The following MCC variants were observed in gnomAD, a reference collection of about 807,000 sequenced individuals.
The protein encoded by MCC is MCC regulator of Wnt signaling pathway.
A neutral mutation model predicts 116.2 loss-of-function variants in MCC; 90 were observed. The observed-to-expected ratio is 0.77, with a 90% CI of 0.65 to 0.92. The LOEUF (loss-of-function observed/expected upper bound fraction) is 0.92. Ranked by LOEUF, MCC falls within the 40% of genes least tolerant of loss-of-function variation. The probability of loss-of-function intolerance (pLI) is 0.00; values close to 1 mark genes in which losing one functional copy is unlikely to be tolerated. For synonymous variants in MCC, 578 were observed against 510.5 expected (o/e 1.13, Z -1.78); for missense variants, 1,516 against 1,312.2 (o/e 1.16, Z -2.40).
rs1306745424 is a variant in MCC, at chr5:113,027,341, C to A, written c.3021G>T (p.Glu1007Asp). The change falls in exon 19 of 19, where the codon GAG becomes GAT. Residue 1007 changes from glutamate to aspartate, a missense_variant. Physicochemically the swap from Glu to Asp is conservative, Grantham distance 45 (BLOSUM62 2). Coordinates refer to ENST00000408903, the MANE Select transcript of MCC (RefSeq NM_001085377.2). Reference sequence around the variant, plus strand: ...CATTGGTGTGTGGCCTGGAGTTCTCCTCCTCTAGCAGAGCTATTCTTTGCT... The same window carrying A: ...CATTGGTGTGTGGCCTGGAGTTCTCATCCTCTAGCAGAGCTATTCTTTGCT... ...MLKQRIALLE[E>D]ENSRPHTNET... 1.2e-6 allele frequency: 2 copies of A among 1,614,060 alleles called. No homozygotes were observed.
chr5:113,135,627 C>T (rs1210637708), intron 5 of MCC, among the ~76,000 whole-genome samples: 2 of 151,066 alleles, frequency 1.3e-5, no homozygotes, highest in African/African-American at 2.4e-5. Flanking sequence ...AATAGGATTG[C>T]TTTCTTGATT....
chr5:113,080,542 C>A lies in MCC; in HGVS notation c.1784+2318G>T, dbSNP rs183857864. On this transcript the variant is annotated intron_variant, in intron 11 of 18. Coordinates refer to ENST00000408903, the MANE Select transcript of MCC (RefSeq NM_001085377.2). ...GCTGGAAACCATCATTCTCAGCAAACTATCACAAGGACAGAAAACCAAACA... is the reference window on the plus strand; with the variant it reads ...GCTGGAAACCATCATTCTCAGCAAAATATCACAAGGACAGAAAACCAAACA... 2.0e-5 allele frequency among the ~76,000 whole-genome samples: 3 copies of A among 152,238 alleles called. No individual in the cohort carries two copies. The East Asian group carries it at 5.8e-4, about 29-fold the overall frequency.
intron 1 of MCC, among the ~76,000 whole-genome samples, chr5:113,470,998 A>T (rs775662211): frequency 1.2e-4 from 18 of 152,178 alleles, no homozygotes; most frequent in Non-Finnish European, 2.2e-4. Flanking sequence ...TGCCTTCGTC[A>T]CGTAGCTCTC....
chr5:113,171,673 T>C (rs1458959084), intron 3 of MCC, among the ~76,000 whole-genome samples: 1 of 152,160 alleles, frequency 6.6e-6, no homozygotes, highest in Non-Finnish European at 1.5e-5. Context: ...TGGAAACCTC[T>C]TTAACCCAGA....
Position 113,064,031 on chromosome 5 carries a change from G to A in MCC, c.2166C>T (p.Gly722=). ...GSCGGAFAVA[G]CSVQPWESLS... Reference sequence around the variant, plus strand: ...GGCTCTCCCAGGGCTGCACGCTGCAGCCGGCCACGGCAAAGGCTCCCCCAC... The same window carrying A: ...GGCTCTCCCAGGGCTGCACGCTGCAACCGGCCACGGCAAAGGCTCCCCCAC... Residue 722 remains glycine (G), a synonymous_variant, in exon 14 of 19, where the codon GGC becomes GGT. Transcript: ENST00000408903. 6.2e-7 allele frequency: 1 copy of A among 1,614,030 alleles called. No homozygotes were observed. Among genetic ancestry groups the A allele is most frequent in the Non-Finnish European group, 8.5e-7 (1 of 1,180,012 alleles).
intron 3 of MCC, among the ~76,000 whole-genome samples, chr5:113,170,764 C>CA (rs1240122439): frequency 1.3e-5 from 2 of 152,074 alleles, no homozygotes; most frequent in Admixed American, 6.6e-5. Context: ...GTGATGTGGT[C>CA]AGTAGTTACA....
chr5:113,041,520 T>C (rs893942958), intron 17 of MCC, among the ~76,000 whole-genome samples: 13 of 152,140 alleles, frequency 8.5e-5, no homozygotes, highest in African/African-American at 2.7e-4. Flanking sequence ...ACCAGAGGTG[T>C]TGGCTACCAG....
chr5:113,466,870 G>T (rs1209785011), intron 1 of MCC, among the ~76,000 whole-genome samples: 1 of 152,166 alleles, frequency 6.6e-6, no homozygotes, highest in Non-Finnish European at 1.5e-5. Context: ...TTTAATGATC[G>T]CCATTCTAAC....
intron 1 of MCC, among the ~76,000 whole-genome samples, chr5:113,469,878 C>T (rs1772031197): frequency 1.3e-5 from 2 of 152,070 alleles, no homozygotes; most frequent in African/African-American, 4.8e-5. Flanking sequence ...GTATTGGGTG[C>T]ATATATATTT....
intron 14 of MCC, among the ~76,000 whole-genome samples, chr5:113,061,772 C>G (rs1185999730): frequency 6.6e-6 from 1 of 152,206 alleles, no homozygotes; most frequent in Non-Finnish European, 1.5e-5. Flanking sequence ...TCTGATTAGA[C>G]CTCTTGAAGC....
At chr5:113,189,263 G>C (rs1762040544) in intron 3 of MCC, among the ~76,000 whole-genome samples, 1 of 152,208 alleles carries the variant, frequency 6.6e-6, no homozygotes. Context: ...CCCTTAAACA[G>C]TGAGACTCTC....
At chr5:113,463,944 A>C (rs1387402558) in intron 1 of MCC, among the ~76,000 whole-genome samples, 1 of 152,224 alleles carries the variant, frequency 6.6e-6, no homozygotes, top group Non-Finnish European at 1.5e-5. Flanking sequence ...GAATGAGCCA[A>C]AGAGGTGGGA....
At chr5:113,075,609 C>A (rs1301691670) in intron 11 of MCC, among the ~76,000 whole-genome samples, 2 of 152,208 alleles carry the variant, frequency 1.3e-5, no homozygotes, top group Admixed American at 6.5e-5. Flanking sequence ...AGTCAGCACC[C>A]TGTCAAAACA....
intron 3 of MCC, among the ~76,000 whole-genome samples, chr5:113,163,177 T>C (rs367723617): frequency 6.6e-6 from 1 of 152,088 alleles, no homozygotes; most frequent in Non-Finnish European, 1.5e-5. Context: ...AAGCGGGACA[T>C]ACATAATGAC....
intron 11 of MCC, among the ~76,000 whole-genome samples, chr5:113,075,424 G>T (rs1186575145): frequency 6.6e-6 from 1 of 152,244 alleles, no homozygotes; most frequent in Non-Finnish European, 1.5e-5. Flanking sequence ...GAGTGTGGGT[G>T]CATGGCACGG....
At chr5:113,178,176 G>A (rs1036109578) in intron 3 of MCC, among the ~76,000 whole-genome samples, 12 of 152,132 alleles carry the variant, frequency 7.9e-5, no homozygotes, top group Non-Finnish European at 1.6e-4. Context: ...TGAATGACAC[G>A]GGAGGAGCAT....
intron 3 of MCC, among the ~76,000 whole-genome samples, chr5:113,153,495 C>A (rs1760003445): frequency 6.6e-6 from 1 of 152,224 alleles, no homozygotes; most frequent in African/African-American, 2.4e-5. Context: ...TACCTTCTGG[C>A]CTACCAGCTC....
chr5:113,434,853 C>A lies in MCC; in HGVS notation c.171-49641G>T, dbSNP rs537947847. 3 of 1,597,966 alleles carry A rather than the reference C, an allele frequency of 1.9e-6. No individual in the cohort carries two copies. The highest frequency in any genetic ancestry group is 2.6e-6 in the Non-Finnish European group (3 of 1,170,248). On this transcript the variant is annotated intron_variant, in intron 1 of 18. Coordinates refer to ENST00000408903, the MANE Select transcript of MCC (RefSeq NM_001085377.2). The surrounding 1 kb of genome is among the most constrained non-coding windows in gnomAD (Gnocchi z 4.2). ...AGCGTCATCCATGGTGCCAGGAATG[C>A]CCAGTGCCTCTGAGGCTGCCCTCTA...
chr5:113,166,184 G>A (rs1289181718), intron 3 of MCC, among the ~76,000 whole-genome samples: 1 of 152,098 alleles, frequency 6.6e-6, no homozygotes, highest in Admixed American at 6.5e-5. Context: ...AAGCAGAAAG[G>A]CAGTGAGCAA....
Sources: gnomAD v4.1 joint callset for allele counts (sites outside exome capture counted in the v4.1 genomes callset) on GRCh38, gnomAD v4.1.1 for gene constraint, Gnocchi (gnomAD v3.1) non-coding constraint, MANE v1.5 for transcripts, NCBI Gene and HGNC (gene_info 2026-07-23, HGNC 2026-07-21) for gene names.